Variants in SLC9A8 observed in about 807,000 individuals in gnomAD.
SLC9A8 encodes solute carrier family 9 member A8, also known as sodium/hydrogen exchanger 8.
SLC9A8 carries 48 observed loss-of-function variants against 66.6 expected under a neutral mutation model. The observed-to-expected ratio is 0.72, with a 90% CI of 0.57 to 0.92. The LOEUF is 0.92. SLC9A8 is among the 40% of genes least tolerant of loss of function. The pLI is 0.00. For synonymous variants in SLC9A8, 274 were observed against 282.6 expected, an observed-to-expected ratio of 0.97 and a Z score of 0.31; for missense variants, 599 against 747.3, an observed-to-expected ratio of 0.80 and a Z score of 2.31.
At position 49,845,018 on chromosome 20, in the gene SLC9A8, C is replaced by T; in HGVS notation, c.349-18C>T. The stretch of plus-strand genomic sequence containing the variant: ...ACACAAATTCCATGCCCTTAAGATA[C>T]TCATTTTCTATTTACAGGAAGAAGA... On this transcript the variant is annotated intron_variant, in intron 4 of 15. Coordinates refer to ENST00000361573, the MANE Select transcript of SLC9A8 (RefSeq NM_015266.3). The T allele has an allele frequency of 4.5e-6, 7 of 1,566,036 alleles. No homozygotes were observed. Among genetic ancestry groups the T allele is most frequent in the Non-Finnish European group, 6.2e-6 (7 of 1,136,642 alleles).
At position 49,862,918 on chromosome 20, in the gene SLC9A8, TC is replaced by T; in HGVS notation, c.714-10del. On this transcript the variant is annotated splice_polypyrimidine_tract_variant and intron_variant, in intron 8 of 15. Coordinates refer to ENST00000361573, the MANE Select transcript of SLC9A8 (RefSeq NM_015266.3). ...CATTTTAATTTATTTCTGTTTTCTTTCATTTCCTAGCACAGCTGAAGGTTTA... is the reference window on the plus strand; with the variant it reads ...CATTTTAATTTATTTCTGTTTTCTTTATTTCCTAGCACAGCTGAAGGTTTA... 6.3e-7 allele frequency: 1 copy of T among 1,594,138 alleles called. No individual in the cohort carries two copies. Among genetic ancestry groups the T allele is most frequent in the Non-Finnish European group, 8.5e-7 (1 of 1,169,806 alleles).
In SLC9A8 at chr20:49,887,845, G is replaced by A. The variant is rs1346776380; in HGVS notation, c.1655G>A (p.Arg552His). 6 of 1,610,174 alleles carry A rather than the reference G, an allele frequency of 3.7e-6. No homozygotes were observed. The highest frequency in any genetic ancestry group is 1.1e-5 in the South Asian group (1 of 90,638). The change falls in exon 16 of 16, where the codon CGC becomes CAC. Residue 552 changes from arginine (R) to histidine (H), a missense_variant. By Grantham distance (29) the Arg-to-His change is conservative. This residue lies in a region of SLC9A8 where 467 missense variants were observed against 626.5 expected (regional missense o/e 0.75). Transcript: ENST00000361573. ...RLTQEDLHHG[R>H]IQMKTLTNKW... ...TCGACCCAGGACCTGCACCACGGGC[G>A]CATCCAGATGAAAACTCTCACCAAC... is the stretch of plus-strand genomic sequence containing the variant.
In SLC9A8 at chr20:49,886,718, G is replaced by A; in HGVS notation, c.1492-34G>A. 1.2e-6 allele frequency: 2 copies of A among 1,601,274 alleles called. No individual in the cohort carries two copies. The highest frequency in any genetic ancestry group is 1.7e-6 in the Non-Finnish European group (2 of 1,172,556). On this transcript the variant is annotated intron_variant, in intron 14 of 15. Transcript: ENST00000361573. This position sits in a 1 kb window ranked among gnomAD's most constrained non-coding sequence, Gnocchi z 4.8. ...GAGGTGCCCCCCGATGGTGCCAGCTGGTGGCCGTCGGGCCGCCTTTCCTCC... is the reference window on the plus strand; with the variant it reads ...GAGGTGCCCCCCGATGGTGCCAGCTAGTGGCCGTCGGGCCGCCTTTCCTCC...
At chr20:49,826,017 A>G (rs1004147879) in intron 3 of SLC9A8, among the ~76,000 whole-genome samples, 2 of 152,186 alleles carry the variant, frequency 1.3e-5, no homozygotes, top group East Asian at 3.9e-4. Flanking sequence ...CTCTCCATCT[A>G]CAAGGTTCAT....
intron 2 of SLC9A8, among the ~76,000 whole-genome samples, chr20:49,816,531 T>A (rs866104365): frequency 6.6e-6 from 1 of 152,084 alleles, no homozygotes; most frequent in East Asian, 1.9e-4. Context: ...CAGGCTGATA[T>A]AAGACTAGAG....
chr20:49,814,056 CT>C (rs2086458028), intron 1 of SLC9A8, among the ~76,000 whole-genome samples: 1 of 152,138 alleles, frequency 6.6e-6, no homozygotes, highest in Non-Finnish European at 1.5e-5. Flanking sequence ...CACCTGATAA[CT>C]TTTCAAATAT....
At chr20:49,884,938 T>C (rs941569015) in intron 14 of SLC9A8, among the ~76,000 whole-genome samples, 1 of 152,262 alleles carries the variant, frequency 6.6e-6, no homozygotes, top group Admixed American at 6.5e-5. Flanking sequence ...CATGCATCTC[T>C]TTCTAGTTCC....
intron 7 of SLC9A8, 92 bp from the exon 8 acceptor site, chr20:49,855,346 T>C: frequency 6.2e-6 from 8 of 1,291,614 alleles, no homozygotes; most frequent in Non-Finnish European, 8.8e-6. Context: ...TAGTATTGCT[T>C]TCTGTTAAAT....
chr20:49,886,732 C>T lies in SLC9A8; in HGVS notation c.1492-20C>T, dbSNP rs760193996. 1.1e-5 allele frequency: 18 copies of T among 1,604,006 alleles called. 1 individual carries two copies. Among genetic ancestry groups the T allele is most frequent in the Non-Finnish European group, 1.4e-5 (16 of 1,174,410 alleles). ...TGGTGCCAGCTGGTGGCCGTCGGGC[C>T]GCCTTTCCTCCCTGCTCAGGGCAAC... On this transcript the variant is annotated intron_variant, in intron 14 of 15. Coordinates refer to ENST00000361573, the MANE Select transcript of SLC9A8 (RefSeq NM_015266.3). This position sits in a 1 kb window ranked among gnomAD's most constrained non-coding sequence, Gnocchi z 4.8.
intron 10 of SLC9A8, among the ~76,000 whole-genome samples, chr20:49,871,713 C>T (rs1033238020): frequency 6.6e-6 from 1 of 152,150 alleles, no homozygotes; most frequent in African/African-American, 2.4e-5. Context: ...CTCAAGGTGC[C>T]CTGACCCCAC....
intron 2 of SLC9A8, 96 bp downstream of exon 2, chr20:49,815,285 C>G (rs1397203825): frequency 9.2e-7 from 1 of 1,088,602 alleles, no homozygotes; most frequent in Non-Finnish European, 1.3e-6. Context: ...ACTGTCAAGT[C>G]TTCCTCCCAT....
In SLC9A8 at chr20:49,813,005, C is replaced by T. The variant is rs2086409233; in HGVS notation, c.26+57C>T. On this transcript the variant is annotated intron_variant, in intron 1 of 15. Coordinates refer to ENST00000361573, the MANE Select transcript of SLC9A8 (RefSeq NM_015266.3). ...GGCGGGGCTGGGCCCCGGCGGGTGA[C>T]AGCGAGCGCCTCAGGCCGCCCTCCG... 7 of 1,345,482 alleles carry T rather than the reference C, an allele frequency of 5.2e-6. No homozygotes were observed. The East Asian group carries it at 2.2e-4, about 42-fold the overall frequency. The allele number at this position is 1,345,482 out of a possible 1,614,324, so 83.3% of individuals were successfully genotyped here. A position where few individuals can be genotyped will look rare whatever the true frequency, so the allele number is the denominator to read the frequency against.
At chr20:49,834,158 T>C (rs1292900830) in intron 3 of SLC9A8, among the ~76,000 whole-genome samples, 1 of 50,654 alleles carries the variant, frequency 2.0e-5, no homozygotes, top group Non-Finnish European at 4.0e-5. Flanking sequence ...TCTCTCTCTC[T>C]CTCTCTCTCT....
Position 49,883,957 on chromosome 20 carries a change from T to G in SLC9A8, c.1382T>G (p.Leu461Arg). ...TTIVIVLFTI[L>R]LLGGSTMPLI... Reference sequence around the variant, plus strand: ...ATCGTCATCGTGCTCTTCACCATCCTGCTGCTGGGCGGCAGCACCATGCCC... The same window carrying G: ...ATCGTCATCGTGCTCTTCACCATCCGGCTGCTGGGCGGCAGCACCATGCCC... The change falls in exon 14 of 16, where the codon CTG becomes CGG. Residue 461 changes from leucine (L) to arginine (R), a missense_variant. By Grantham distance (102) the Leu-to-Arg change is moderately radical. This residue lies in a region of SLC9A8 where 467 missense variants were observed against 626.5 expected (regional missense o/e 0.75). Coordinates refer to ENST00000361573, the MANE Select transcript of SLC9A8 (RefSeq NM_015266.3). 1 of 1,613,256 alleles carries G rather than the reference T, an allele frequency of 6.2e-7. No individual in the cohort carries two copies. The highest frequency in any genetic ancestry group is 8.5e-7 in the Non-Finnish European group (1 of 1,179,992).
chr20:49,837,016 T>C (rs761151427), intron 3 of SLC9A8, among the ~76,000 whole-genome samples: 3 of 152,206 alleles, frequency 2.0e-5, no homozygotes, highest in Non-Finnish European at 2.9e-5. Flanking sequence ...CCCTCTCAAT[T>C]TGTACACAAG....
chr20:49,816,330 G>A (rs6067233), intron 2 of SLC9A8, among the ~76,000 whole-genome samples: 13,132 of 152,024 alleles, frequency 0.086, 675 homozygotes, highest in Middle Eastern at 0.13. Context: ...TGAGGCAGGA[G>A]AATTGCTTGA....
At chr20:49,821,163 T>C (rs2086725828) in intron 2 of SLC9A8, among the ~76,000 whole-genome samples, 1 of 152,250 alleles carries the variant, frequency 6.6e-6, no homozygotes, top group African/African-American at 2.4e-5. Context: ...TTTCTGTTAA[T>C]AGTTTCCCCT....
chr20:49,862,313 G>A (rs2088776367), intron 8 of SLC9A8, among the ~76,000 whole-genome samples: 1 of 152,080 alleles, frequency 6.6e-6, no homozygotes, highest in African/African-American at 2.4e-5. Context: ...CCAGGCTGGA[G>A]TGTAGTTGTG....
Position 49,853,612 on chromosome 20 carries a change from T to C in SLC9A8, c.570-1826T>C, listed in dbSNP as rs530265385. On this transcript the variant is annotated intron_variant, in intron 7 of 15. Transcript: ENST00000361573. Reference sequence around the variant, plus strand: ...AGGATCTCCCAGATGGGCAGTTGTTTAGTGGAGTTACCTTCCCTTTCTTCC... The same window carrying C: ...AGGATCTCCCAGATGGGCAGTTGTTCAGTGGAGTTACCTTCCCTTTCTTCC... Among the ~76,000 whole-genome samples, 72 of 152,358 alleles carry C rather than the reference T, an allele frequency of 4.7e-4. 1 individual carries two copies. In the East Asian group the frequency reaches 8.9e-3, roughly 19 times the overall value.
Sources: gnomAD v4.1 joint callset for allele counts (sites outside exome capture counted in the v4.1 genomes callset) on GRCh38, gnomAD v4.1.1 for gene constraint, gnomAD v4.1.1 regional missense constraint, Gnocchi (gnomAD v3.1) non-coding constraint, MANE v1.5 for transcripts, NCBI Gene and HGNC (gene_info 2026-07-23, HGNC 2026-07-21) for gene names.